The following CFI variants were observed in gnomAD, a reference collection of about 807,000 sequenced individuals.
CFI encodes the protein C3B/C4B inactivator.
Under a neutral mutation model 78.8 loss-of-function variants are expected in CFI, and 66 were observed. That is an observed-to-expected ratio of 0.84 (90% CI 0.69 to 1.03). The LOEUF (loss-of-function observed/expected upper bound fraction) is 1.03, where lower values mean the gene tolerates loss of function less well. CFI is among the 50% of genes least tolerant of loss of function. The pLI is 0.00. For missense variants in CFI, 706 were observed against 704.5 expected (o/e 1.00, Z -0.02); for synonymous variants, 250 against 232.6 (o/e 1.07, Z -0.68).
intron 1 of CFI, among the ~76,000 whole-genome samples, chr4:109,780,750 C>A (rs1178582864): frequency 6.6e-6 from 1 of 152,156 alleles, no homozygotes; most frequent in Non-Finnish European, 1.5e-5. Flanking sequence ...ATCAACCCAA[C>A]TGTCCATCAA....
intron 4 of CFI, 59 bp from the exon 5 acceptor site, chr4:109,760,695 T>C: frequency 1.0e-6 from 1 of 994,528 alleles, no homozygotes; most frequent in East Asian, 2.4e-5. Flanking sequence ...ATGACATCCT[T>C]ATCAGATTTT....
At chr4:109,797,913 G>A (rs192120446) in intron 1 of CFI, among the ~76,000 whole-genome samples, 8 of 152,188 alleles carry the variant, frequency 5.3e-5, no homozygotes. Flanking sequence ...TGTAGCTGAG[G>A]ATATGCAGAA....
At chr4:109,792,972 A>G (rs1731567866) in intron 1 of CFI, among the ~76,000 whole-genome samples, 1 of 152,172 alleles carries the variant, frequency 6.6e-6, no homozygotes, top group Non-Finnish European at 1.5e-5. Flanking sequence ...GTAATTGCTG[A>G]TAAGAAAGGA....
At chr4:109,751,017 T>G (rs1226083227) in intron 8 of CFI, among the ~76,000 whole-genome samples, 1 of 152,110 alleles carries the variant, frequency 6.6e-6, no homozygotes, top group East Asian at 1.9e-4. Context: ...AATCTCTGAG[T>G]CGGGAGAGAA....
downstream of CFI, among the ~76,000 whole-genome samples, chr4:109,736,085 C>T (rs200982847): frequency 2.0e-5 from 3 of 151,296 alleles, no homozygotes; most frequent in Non-Finnish European, 2.9e-5. Context: ...ACCTTCACTC[C>T]ACTACTTAGA....
intron 1 of CFI, among the ~76,000 whole-genome samples, chr4:109,776,364 G>C (rs1195770155): frequency 6.6e-6 from 1 of 152,156 alleles, no homozygotes; most frequent in Non-Finnish European, 1.5e-5. Context: ...GTGGAAGAAA[G>C]GGTATCAATG....
chr4:109,784,210 T>C (rs2125851861), intron 1 of CFI, among the ~76,000 whole-genome samples: 1 of 151,828 alleles, frequency 6.6e-6, no homozygotes, highest in East Asian at 1.9e-4. Flanking sequence ...TAAAAAGAAG[T>C]GATGAACAAC....
intron 1 of CFI, among the ~76,000 whole-genome samples, chr4:109,773,289 AG>A (rs1318377346): frequency 6.6e-6 from 1 of 152,152 alleles, no homozygotes; most frequent in Admixed American, 6.6e-5. Context: ...GCACTTTGGG[AG>A]GCTGAGGCAG....
At chr4:109,768,352 AAG>A (rs1728077582) in intron 1 of CFI, among the ~76,000 whole-genome samples, 1 of 150,930 alleles carries the variant, frequency 6.6e-6, no homozygotes, top group African/African-American at 2.4e-5. Flanking sequence ...AAAAAAAAAA[AAG>A]AAAAAAAGAA....
intron 10 of CFI, among the ~76,000 whole-genome samples, chr4:109,747,962 G>A (rs909005040): frequency 1.3e-5 from 2 of 152,158 alleles, no homozygotes; most frequent in African/African-American, 4.8e-5. Flanking sequence ...GTGGAGCTCA[G>A]GTGGTAATGC....
At chr4:109,774,205 T>C (rs544426035) in intron 1 of CFI, among the ~76,000 whole-genome samples, 2 of 152,326 alleles carry the variant, frequency 1.3e-5, no homozygotes, top group East Asian at 3.9e-4. Flanking sequence ...GACAAAGTCA[T>C]AGAGTTTACA....
In CFI at chr4:109,742,513, A is replaced by G. The variant is rs887052529; in HGVS notation, c.1512T>C (p.Tyr504=). The G allele has an allele frequency of 9.3e-6, 15 of 1,612,532 alleles. No individual in the cohort carries two copies. The African/African-American group carries it at 1.9e-4, about 20-fold the overall frequency. ...NCSKFYGNRF[Y]EKEMECAGTY... ...TACCTGCACATTCCATTTCTTTTTC[A>G]TAGAAACGATTTCCGTAAAACTTAG... Residue 504 remains tyrosine, a synonymous_variant, in exon 12 of 13, where the codon TAT becomes TAC. Coordinates refer to ENST00000394634, the MANE Select transcript of CFI (RefSeq NM_000204.5).
intron 1 of CFI, among the ~76,000 whole-genome samples, chr4:109,780,231 T>G (rs1024854918): frequency 6.6e-6 from 1 of 151,924 alleles, no homozygotes; most frequent in African/African-American, 2.4e-5. Flanking sequence ...GGGAGAAAAT[T>G]TTTGCAATCT....
chr4:109,800,335 T>G (rs1378628718), intron 1 of CFI, among the ~76,000 whole-genome samples: 1 of 134,702 alleles, frequency 7.4e-6, no homozygotes, highest in East Asian at 2.1e-4. Flanking sequence ...TTTTTTTTTT[T>G]TTTTTTTTTT....
the CFI span, among the ~76,000 whole-genome samples, chr4:109,733,065 A>G: frequency 6.6e-6 from 1 of 151,066 alleles, no homozygotes; most frequent in African/African-American, 2.4e-5. Flanking sequence ...TCCGCCTCCC[A>G]GGTTCAAGCT....
intron 6 of CFI, 25 bp downstream of exon 6, chr4:109,760,245 A>C: frequency 6.5e-7 from 1 of 1,541,164 alleles, no homozygotes; most frequent in Non-Finnish European, 9.0e-7. Flanking sequence ...TAATGAAAAA[A>C]AGTCACCCCA....
intron 5 of CFI, 48 bp downstream of exon 5, chr4:109,760,475 A>C (rs1481180925): frequency 1.3e-6 from 2 of 1,485,250 alleles, no homozygotes; most frequent in Non-Finnish European, 1.9e-6. Flanking sequence ...TTCCTCTTTT[A>C]GTCAGAAAAA....
At chr4:109,743,059 G>A (rs1723999822) in intron 11 of CFI, among the ~76,000 whole-genome samples, 1 of 152,174 alleles carries the variant, frequency 6.6e-6, no homozygotes, top group Admixed American at 6.5e-5. Flanking sequence ...GTGTTTTTGT[G>A]TGTCTGAGAA....
intron 6 of CFI, 91 bp from the exon 7 acceptor site, chr4:109,757,874 C>T: frequency 7.6e-7 from 1 of 1,314,214 alleles, no homozygotes; most frequent in South Asian, 1.4e-5. Context: ...ATCATGAAAA[C>T]CATTGCACCT....
Sources: gnomAD v4.1 joint callset for allele counts (sites outside exome capture counted in the v4.1 genomes callset) on GRCh38, gnomAD v4.1.1 for gene constraint, MANE v1.5 for transcripts, NCBI Gene and HGNC (gene_info 2026-07-23, HGNC 2026-07-21) for gene names.